Variants in C1QTNF9 observed in about 807,000 individuals in gnomAD.
The protein encoded by C1QTNF9 is C1q and TNF related 9.
Under a neutral mutation model 10.1 loss-of-function variants are expected in C1QTNF9, and 6 were observed. The ratio of observed to expected loss-of-function variants is 0.59; its 90% CI spans 0.32 to 1.17. The LOEUF (loss-of-function observed/expected upper bound fraction) is 1.17. C1QTNF9 is among the 50% of genes most tolerant of loss of function. The pLI is 0.04. For missense variants in C1QTNF9, 201 were observed against 418.8 expected (o/e 0.48, Z 4.54); for synonymous variants, 98 against 163.5 (o/e 0.60, Z 3.06).
chr13:24,318,747 A>G (rs1176229134), intron 2 of C1QTNF9, 71 bp from the exon 3 acceptor site: 3 of 1,599,200 alleles, frequency 1.9e-6, no homozygotes, highest in Admixed American at 3.3e-5. Context: ...CACATGGCTG[A>G]TGGAGACCAA....
chr13:24,320,980 C>T lies in C1QTNF9; in HGVS notation c.230-16C>T, dbSNP rs754267783. ...CTTTCACAAGCTATCTCTTTATTTG[C>T]TCTTTCTCTATTTAGGAGCAGATGG... On this transcript the variant is annotated splice_polypyrimidine_tract_variant and intron_variant, in intron 3 of 3. Coordinates refer to ENST00000332018, the Ensembl canonical transcript of C1QTNF9. 42 of 1,577,582 alleles carry T rather than the reference C, an allele frequency of 2.7e-5. No individual in the cohort carries two copies. Among genetic ancestry groups the T allele is most frequent in the African/African-American group, 6.9e-5 (5 of 72,760 alleles).
In C1QTNF9 at chr13:24,309,623, T is replaced by A. The variant is rs1242027456; in HGVS notation, c.-23+7T>A. The A allele has an allele frequency of 6.6e-6, 1 of 152,100 alleles. No homozygotes were observed. The highest frequency in any genetic ancestry group is 1.5e-5 in the Non-Finnish European group (1 of 68,012). The allele number at this position is 152,100 out of a possible 1,614,324, so 9.4% of individuals were successfully genotyped here. On this transcript the variant is annotated splice_region_variant and intron_variant, in intron 1 of 3. Coordinates refer to ENST00000332018, the Ensembl canonical transcript of C1QTNF9. ...CTGCAGCCCTAGGGTCCAGGTAAGT[T>A]CATCAGGAAAGGATTTCTTTACATT...
At chr13:24,314,986 T>A (rs538091461) in intron 1 of C1QTNF9, among the ~76,000 whole-genome samples, 3 of 151,986 alleles carry the variant, frequency 2.0e-5, no homozygotes, top group Non-Finnish European at 4.4e-5. Flanking sequence ...CAGTAAGACT[T>A]CTTGGAATGC....
chr13:24,318,026 C>T (rs1162091668), intron 2 of C1QTNF9, among the ~76,000 whole-genome samples: 1 of 152,162 alleles, frequency 6.6e-6, no homozygotes, highest in African/African-American at 2.4e-5. Flanking sequence ...CAAGCCGGCC[C>T]AGCCTGCCCC....
rs1332275120 is a variant in C1QTNF9 at position 24,321,153 on chromosome 13, C to T, written c.387C>T (p.Asp129=). Residue 129 remains aspartate (D), a synonymous_variant, in exon 4 of 4, where the codon GAC becomes GAT. Coordinates refer to ENST00000332018, the Ensembl canonical transcript of C1QTNF9. ...AGGGGCAGAAGGGGAATAAGGGTGA[C>T]GTGGGTCCCACTGGTCCTGAGGGGC... 6 of 1,363,062 alleles carry T rather than the reference C, an allele frequency of 4.4e-6. 1 individual carries two copies. Among genetic ancestry groups the T allele is most frequent in the Non-Finnish European group, 5.9e-6 (6 of 1,011,772 alleles). The allele number at this position is 1,363,062 out of a possible 1,614,324, so 84.4% of individuals were successfully genotyped here.
intron 2 of C1QTNF9, among the ~76,000 whole-genome samples, chr13:24,317,139 T>G (rs561200253): frequency 2.0e-5 from 3 of 152,254 alleles, no homozygotes; most frequent in Non-Finnish European, 4.4e-5. Context: ...GGCTCACATC[T>G]CCAGCTCATT....
chr13:24,311,992 C>T (rs781120355), intron 1 of C1QTNF9, among the ~76,000 whole-genome samples: 2 of 152,176 alleles, frequency 1.3e-5, no homozygotes, highest in Non-Finnish European at 2.9e-5. Flanking sequence ...TGGTCATACC[C>T]AGGCTGCAAG....
intron 1 of C1QTNF9, among the ~76,000 whole-genome samples, chr13:24,312,285 C>T (rs1202361877): frequency 2.0e-5 from 3 of 152,174 alleles, no homozygotes; most frequent in Admixed American, 1.3e-4. Context: ...AGCTCTAACC[C>T]AGGTTGGTGC....
chr13:24,307,463 G>C (rs998890616), upstream of C1QTNF9, among the ~76,000 whole-genome samples: 2 of 152,258 alleles, frequency 1.3e-5, no homozygotes, highest in African/African-American at 4.8e-5. Context: ...TTTGCGGGTG[G>C]GTAGATTAGA....
At chr13:24,317,480 ACTT>A (rs1454714167) in intron 2 of C1QTNF9, among the ~76,000 whole-genome samples, 1 of 151,952 alleles carries the variant, frequency 6.6e-6, no homozygotes, top group Non-Finnish European at 1.5e-5. Context: ...AGTTTTATAT[ACTT>A]CTTAGAAGCA....
At chr13:24,317,507 T>C (rs1277595344) in intron 2 of C1QTNF9, among the ~76,000 whole-genome samples, 1 of 152,060 alleles carries the variant, frequency 6.6e-6, no homozygotes, top group African/African-American at 2.4e-5. Context: ...TATGTATCTA[T>C]TTTTCTACGT....
chr13:24,312,686 G>C (rs1877874901), intron 1 of C1QTNF9, among the ~76,000 whole-genome samples: 1 of 152,098 alleles, frequency 6.6e-6, no homozygotes, highest in African/African-American at 2.4e-5. Flanking sequence ...GCCGTGTGCA[G>C]TGACTCACAC....
At chr13:24,314,421 G>A (rs1877951194) in intron 1 of C1QTNF9, among the ~76,000 whole-genome samples, 1 of 151,918 alleles carries the variant, frequency 6.6e-6, no homozygotes, top group Admixed American at 6.6e-5. Context: ...AATGGCTCAT[G>A]CCTGTAATCC....
chr13:24,317,119 G>A (rs1377966408), intron 2 of C1QTNF9, among the ~76,000 whole-genome samples: 5 of 152,132 alleles, frequency 3.3e-5, no homozygotes, highest in Non-Finnish European at 1.5e-5. Context: ...TCTGTGAGGT[G>A]TCTTCTCCTG....
chr13:24,322,282 T>C (rs1878302593), exon 4 of C1QTNF9: 1 of 153,076 alleles, frequency 6.5e-6, no homozygotes, highest in Non-Finnish European at 1.5e-5. Context: ...TGCATGTTTG[T>C]TACATAGGTA....
intron 1 of C1QTNF9, among the ~76,000 whole-genome samples, chr13:24,310,967 T>C (rs1877798781): frequency 6.9e-6 from 1 of 144,478 alleles, no homozygotes. Flanking sequence ...GTGTGTAATA[T>C]AGAGAGTGCA....
At chr13:24,313,854 A>C (rs1043158120) in intron 1 of C1QTNF9, among the ~76,000 whole-genome samples, 4 of 152,236 alleles carry the variant, frequency 2.6e-5, no homozygotes, top group African/African-American at 9.6e-5. Flanking sequence ...TACAGTCGTA[A>C]GTACATTTAT....
intron 1 of C1QTNF9, among the ~76,000 whole-genome samples, chr13:24,312,309 A>C (rs906244812): frequency 6.6e-6 from 1 of 152,224 alleles, no homozygotes; most frequent in Admixed American, 6.5e-5. Flanking sequence ...CTAAGTGATC[A>C]TTAGTCTAGG....
chr13:24,309,280 G>GTCT (rs1389123276), upstream of C1QTNF9, among the ~76,000 whole-genome samples: 1 of 10,854 alleles, frequency 9.2e-5, no homozygotes, highest in African/African-American at 3.0e-4. Flanking sequence ...AGAACTTAAA[G>GTCT]TATTATATAT....
Sources: gnomAD v4.1 joint callset for allele counts (sites outside exome capture counted in the v4.1 genomes callset) on GRCh38, gnomAD v4.1.1 for gene constraint, MANE v1.5 for transcripts, NCBI Gene and HGNC (gene_info 2026-07-23, HGNC 2026-07-21) for gene names.